The following FRY variants were observed in gnomAD, a reference collection of about 807,000 sequenced individuals.
FRY encodes the protein FRY microtubule binding protein, also known as protein furry homolog.
Under a neutral mutation model 348.4 loss-of-function variants are expected in FRY, and 128 were observed. That is an observed-to-expected ratio of 0.37 (90% CI 0.32 to 0.43). The LOEUF (loss-of-function observed/expected upper bound fraction) is 0.43, where lower values mean the gene tolerates loss of function less well. Ranked by LOEUF, FRY falls within the 20% of genes least tolerant of loss-of-function variation. The pLI is 1.00. For missense variants in FRY, 2,736 were observed against 3,695.2 expected (o/e 0.74, Z 6.73); for synonymous variants, 1,370 against 1,374.7 (o/e 1.00, Z 0.08).
chr13:32,217,599 G>T (rs1255974655), intron 35 of FRY, among the ~76,000 whole-genome samples: 1 of 152,206 alleles, frequency 6.6e-6, no homozygotes, highest in Non-Finnish European at 1.5e-5. Flanking sequence ...CTTGGCCATG[G>T]TTACAGAGCC....
Position 32,173,500 on chromosome 13 carries a change from T to C in FRY, c.2285T>C (p.Leu762Ser), listed in dbSNP as rs554638742. 6.2e-7 allele frequency: 1 copy of C among 1,613,796 alleles called. No homozygotes were observed. The highest frequency in any genetic ancestry group is 8.5e-7 in the Non-Finnish European group (1 of 1,179,918). Residue 762 changes from leucine to serine, a missense_variant, in exon 19 of 61, where the codon TTA (leucine) becomes TCA (serine). Leu to Ser is a moderately radical substitution (Grantham distance 145, BLOSUM62 -2). Coordinates refer to ENST00000542859, the MANE Select transcript of FRY (RefSeq NM_023037.3). ...GTGGCCACACGCAAACTGTCCGTTT[T>C]AATACTCAAGGAAATTCGAGCGTTG... ...FQVATRKLSV[L>S]ILKEIRALFI...
At chr13:32,232,314 C>CT (rs1885960260) in intron 41 of FRY, among the ~76,000 whole-genome samples, 2 of 152,138 alleles carry the variant, frequency 1.3e-5, no homozygotes, top group Non-Finnish European at 2.9e-5. Context: ...TGCATAAAGT[C>CT]TAAGTCTTTT....
At position 32,265,599 on chromosome 13, in the gene FRY, C is replaced by T; in HGVS notation, c.7929C>T (p.Asp2643=). Residue 2643 remains aspartate, a synonymous_variant, in exon 54 of 61, where the codon GAC becomes GAT. Coordinates refer to ENST00000542859, the MANE Select transcript of FRY (RefSeq NM_023037.3). ...AAGAAAAAGGCAATCGGGCACTGGA[C>T]CAGTTTACCCTGGCGAGGTAATGGA... ...EGEEKGNRAL[D]QFTLASFGEG... 1 of 1,614,076 alleles carries T rather than the reference C, an allele frequency of 6.2e-7. No individual in the cohort carries two copies. The highest frequency in any genetic ancestry group is 8.5e-7 in the Non-Finnish European group (1 of 1,179,996).
At chr13:32,268,793 G>A (rs996935181) in intron 55 of FRY, among the ~76,000 whole-genome samples, 4 of 151,686 alleles carry the variant, frequency 2.6e-5, no homozygotes, top group African/African-American at 7.3e-5. Flanking sequence ...TCAGCCTCCC[G>A]AGTAGCTGGG....
intron 31 of FRY, among the ~76,000 whole-genome samples, chr13:32,203,011 G>A (rs1300699117): frequency 1.3e-5 from 2 of 151,878 alleles, no homozygotes; most frequent in Non-Finnish European, 2.9e-5. Flanking sequence ...GAATTACTGT[G>A]GGCTAGATCC....
chr13:32,052,956 G>A (rs1362830480), intron 1 of FRY, among the ~76,000 whole-genome samples: 2 of 151,930 alleles, frequency 1.3e-5, no homozygotes, highest in African/African-American at 4.8e-5. Flanking sequence ...TCTACTAAAC[G>A]TACAAAAATT....
chr13:32,189,145 A>G (rs933626357), intron 28 of FRY, among the ~76,000 whole-genome samples: 1 of 152,082 alleles, frequency 6.6e-6, no homozygotes, highest in East Asian at 1.9e-4. Flanking sequence ...TAAAGCAGCA[A>G]TGATTTCACT....
rs773864681 is a variant in FRY, at chr13:32,287,918, T to G, written c.8470-1715T>G. On this transcript the variant is annotated intron_variant, in intron 58 of 60. Transcript: ENST00000542859. The stretch of plus-strand genomic sequence containing the variant: ...ACTTTCTTTCATACTCTTTGTCCAT[T>G]TAGGCATGGACCCATAACAAAGCCT... 6 of 1,220,236 alleles carry G rather than the reference T, an allele frequency of 4.9e-6. No homozygotes were observed. The Admixed American group carries it at 1.0e-4, about 20-fold the overall frequency. The allele number at this position is 1,220,236 out of a possible 1,614,324, so 75.6% of individuals were successfully genotyped here.
At chr13:32,230,168 A>C (rs776060884) in intron 40 of FRY, among the ~76,000 whole-genome samples, 2 of 152,210 alleles carry the variant, frequency 1.3e-5, no homozygotes, top group Non-Finnish European at 1.5e-5. Flanking sequence ...TTCACCAGCC[A>C]GATGTTAAGC....
At chr13:32,036,731 G>C (rs577273998) in intron 1 of FRY, among the ~76,000 whole-genome samples, 2 of 150,074 alleles carry the variant, frequency 1.3e-5, no homozygotes, top group African/African-American at 4.9e-5. Flanking sequence ...GAGTTTAAGT[G>C]TCATGCACAT....
chr13:32,136,036 A>T (rs1382147772), intron 10 of FRY, among the ~76,000 whole-genome samples: 1 of 145,734 alleles, frequency 6.9e-6, no homozygotes, highest in Non-Finnish European at 1.5e-5. Flanking sequence ...AACTAAGTTA[A>T]TTTAAAAAAA....
chr13:32,061,432 G>A (rs1452618000), intron 1 of FRY, among the ~76,000 whole-genome samples: 2 of 152,154 alleles, frequency 1.3e-5, no homozygotes, highest in Non-Finnish European at 2.9e-5. Flanking sequence ...ATTTTTCTGT[G>A]CACTTAACTT....
intron 29 of FRY, among the ~76,000 whole-genome samples, chr13:32,194,630 G>T (rs971778701): frequency 2.6e-5 from 4 of 152,114 alleles, no homozygotes; most frequent in African/African-American, 7.2e-5. Flanking sequence ...TATAACGAGG[G>T]TGAACTATAG....
intron 17 of FRY, among the ~76,000 whole-genome samples, chr13:32,163,512 G>A (rs1301837037): frequency 6.6e-6 from 1 of 152,212 alleles, no homozygotes; most frequent in Admixed American, 6.5e-5. Flanking sequence ...GAGAGAGGAG[G>A]CGTCTGCAGG....
Position 32,179,672 on chromosome 13 carries a change from CAGGCCAT to C in FRY, c.2874_2880del (p.Ile959ProfsTer8). 1 of 1,613,994 alleles carries C rather than the reference CAGGCCAT, an allele frequency of 6.2e-7. No individual in the cohort carries two copies. On this transcript the variant is annotated splice_acceptor_variant and coding_sequence_variant, in exon 23 of 61. Transcript: ENST00000542859. LOFTEE classifies it high-confidence loss of function. ...TTTTTCACTTGTATTCAACTTATTTCAGGCCATAGGCACCCCATCGGTGGGAGTTCTG... is the reference window on the plus strand; with the variant it reads ...TTTTTCACTTGTATTCAACTTATTTCAGGCACCCCATCGGTGGGAGTTCTG...
intron 11 of FRY, among the ~76,000 whole-genome samples, chr13:32,137,625 G>A (rs575019579): frequency 2.2e-4 from 33 of 152,298 alleles, no homozygotes; most frequent in African/African-American, 7.9e-4. Flanking sequence ...TGGTGAACAT[G>A]TTTTAAGTTT....
intron 51 of FRY, among the ~76,000 whole-genome samples, chr13:32,255,288 G>C (rs1364533196): frequency 6.6e-6 from 1 of 152,156 alleles, no homozygotes; most frequent in Non-Finnish European, 1.5e-5. Flanking sequence ...CAATTGAAGA[G>C]GCAGGCCTAG....
intron 3 of FRY, among the ~76,000 whole-genome samples, chr13:32,112,237 A>AT (rs1878016843): frequency 6.6e-6 from 1 of 151,474 alleles, no homozygotes; most frequent in Non-Finnish European, 1.5e-5. Flanking sequence ...CATCACAGTC[A>AT]TTTTTTGTCT....
rs1351881469 is a variant in FRY, at chr13:32,185,016, G to A, written c.3187G>A (p.Ala1063Thr). The A allele has an allele frequency of 3.7e-6, 6 of 1,614,018 alleles. No individual in the cohort carries two copies. The highest frequency in any genetic ancestry group is 2.2e-5 in the South Asian group (2 of 91,086). Reference protein sequence around the residue: ...ALERDTLALGALFLEYVDLTR... With the variant: ...ALERDTLALGTLFLEYVDLTR... ...AGAGCGGGATACTTTAGCCCTGGGA[G>A]CTTTGTTCTTAGAATATGTGGACTT... Residue 1063 changes from alanine (A) to threonine (T), a missense_variant, in exon 26 of 61, where the codon GCT becomes ACT. Around this residue, in one of 9 missense-constraint regions of FRY, gnomAD observed 449 missense variants for 576.9 expected, o/e 0.78. Transcript: ENST00000542859.
Sources: allele counts gnomAD v4.1 joint callset (sites outside exome capture counted in the v4.1 genomes callset), GRCh38; gene constraint gnomAD v4.1.1; regional missense constraint gnomAD v4.1.1; transcripts MANE v1.5; gene names NCBI Gene and HGNC (gene_info 2026-07-23, HGNC 2026-07-21).